Variants in RPLP0 observed in about 807,000 individuals in gnomAD.
RPLP0 encodes the protein large ribosomal subunit protein uL10.
For missense variants in RPLP0, 276 were observed against 402.9 expected (o/e 0.69, Z 2.70); for synonymous variants, 137 against 153.4 (o/e 0.89, Z 0.79).
At chr12:120,200,483 G>C in intron 2 of RPLP0, 1 of 481,442 alleles carries the variant, frequency 2.1e-6, no homozygotes, top group Non-Finnish European at 3.7e-6. Context: ...AGTATAAAGC[G>C]CGCTCTTTTA....
chr12:120,199,094 T>C, intron 4 of RPLP0, 24 bp downstream of exon 4: 2 of 1,611,780 alleles, frequency 1.2e-6, no homozygotes, highest in South Asian at 1.1e-5. Context: ...AAAGTCTCTT[T>C]AGCCAACCCA....
At chr12:120,200,695 A>C (rs758958752) in intron 2 of RPLP0, 35 bp downstream of exon 2, 2 of 1,598,644 alleles carry the variant, frequency 1.3e-6, no homozygotes, top group Non-Finnish European at 1.7e-6. Context: ...CGCTGGGGCA[A>C]CATGAAGAGC....
intron 1 of RPLP0, 61 bp from the exon 2 acceptor site, chr12:120,200,892 C>T (rs1879429747): frequency 1.3e-6 from 2 of 1,497,846 alleles, no homozygotes; most frequent in Admixed American, 4.3e-5. Flanking sequence ...GGTCCCGGGC[C>T]TAAGAGGAGC....
At chr12:120,197,243 A>G in intron 7 of RPLP0, 79 bp downstream of exon 7, 2 of 1,306,876 alleles carry the variant, frequency 1.5e-6, no homozygotes, top group Admixed American at 3.6e-5. Flanking sequence ...CAACTATAAA[A>G]GCAGTAAGGT....
chr12:120,199,469 T>A lies in RPLP0; in HGVS notation c.71A>T (p.Tyr24Phe). Residue 24 changes from tyrosine (Y) to phenylalanine (F), a missense_variant, in exon 3 of 8, where the codon TAT becomes TTT. Coordinates refer to ENST00000392514, the MANE Select transcript of RPLP0 (RefSeq NM_001002.4). ...TGCTCCCACAATGAAACATTTCGGA[T>A]AATCATCCAATAGTTGCTACAAAAA... is the stretch of plus-strand genomic sequence containing the variant. ...FLKIIQLLDD[Y>F]PKCFIVGADN... 1.9e-6 allele frequency: 3 copies of A among 1,614,004 alleles called. No individual in the cohort carries two copies. Among genetic ancestry groups the A allele is most frequent in the East Asian group, 2.2e-5 (1 of 44,886 alleles).
Position 120,198,836 on chromosome 12 carries a change from C to T in RPLP0, c.465+18G>A. 1.9e-6 allele frequency: 3 copies of T among 1,614,026 alleles called. No individual in the cohort carries two copies. The highest frequency in any genetic ancestry group is 2.5e-6 in the Non-Finnish European group (3 of 1,179,920). ...TCCCCATTTGCCTGGTTAGCACAGG[C>T]AAACCAGGTCCACTCACCAGGATTT... On this transcript the variant is annotated intron_variant, in intron 5 of 7. Transcript: ENST00000392514. This position sits in a 1 kb window ranked among gnomAD's most constrained non-coding sequence, Gnocchi z 4.1.
Position 120,198,293 on chromosome 12 carries a change from G to A in RPLP0, c.651+261C>T. ...CCAGCTACTCAGGAGGCTGAGGCAG[G>A]AGAATGGTGTGAACCCGGAGGCGGA... On this transcript the variant is annotated intron_variant, in intron 6 of 7. Transcript: ENST00000392514. The surrounding 1 kb of genome is among the most constrained non-coding windows in gnomAD (Gnocchi z 4.1). The A allele has an allele frequency of 2.4e-6, 1 of 424,608 alleles. No homozygotes were observed. Among genetic ancestry groups the A allele is most frequent in the South Asian group, 2.4e-5 (1 of 42,014 alleles). 26.3% of individuals were successfully genotyped at this position (424,608 alleles called of 1,614,324 possible).
At position 120,201,107 on chromosome 12, in the gene RPLP0, G is replaced by C. The variant is rs948977455; in HGVS notation, c.-73C>G. The C allele has an allele frequency of 3.5e-5, 12 of 339,662 alleles. No individual in the cohort carries two copies. The highest frequency in any genetic ancestry group is 2.1e-4 in the African/African-American group (10 of 47,264). The allele number at this position is 339,662 out of a possible 1,614,324, so 21.0% of individuals were successfully genotyped here. A position where few individuals can be genotyped will look rare whatever the true frequency, so the allele number is the denominator to read the frequency against. ...CCTTCCACGAGGACGCCTGGCGAGA[G>C]AAGGGCCTCGCGCCCGCGCGTGCCT... On this transcript the variant is annotated 5_prime_UTR_variant, in exon 1 of 8. Transcript: ENST00000392514.
At chr12:120,197,943 TTG>T (rs773218059) in intron 6 of RPLP0, 2 of 164,270 alleles carry the variant, frequency 1.2e-5, no homozygotes, top group Non-Finnish European at 2.7e-5. Flanking sequence ...ATTATTTTTT[TTG>T]TGAGACAGAG....
In RPLP0 at chr12:120,198,220, TA is replaced by T. The variant is rs1879256718; in HGVS notation, c.651+333del. 8 of 298,732 alleles carry T rather than the reference TA, an allele frequency of 2.7e-5. No individual in the cohort carries two copies. The highest frequency in any genetic ancestry group is 2.6e-4 in the South Asian group (8 of 31,096). The allele number at this position is 298,732 out of a possible 1,614,324, so 18.5% of individuals were successfully genotyped here. A position where few individuals can be genotyped will look rare whatever the true frequency, so the allele number is the denominator to read the frequency against. ...CCATCCTGGCTAACGCGGTGAAACCTAAAAATACAAAAAAATTAGCCGGGCG... is the reference window on the plus strand; with the variant it reads ...CCATCCTGGCTAACGCGGTGAAACCTAAAATACAAAAAAATTAGCCGGGCG... On this transcript the variant is annotated intron_variant, in intron 6 of 7. Transcript: ENST00000392514. This position sits in a 1 kb window ranked among gnomAD's most constrained non-coding sequence, Gnocchi z 4.1.
intron 6 of RPLP0, among the ~76,000 whole-genome samples, chr12:120,197,980 G>C (rs1003794806): frequency 6.6e-6 from 1 of 151,990 alleles, no homozygotes; most frequent in Non-Finnish European, 1.5e-5. Flanking sequence ...TCAGGCCGGA[G>C]TGCAGTGGCA....
rs1879336000 is a variant in RPLP0, at chr12:120,199,711, T to TC, written c.55-227dup. 5.7e-6 allele frequency: 3 copies of TC among 525,944 alleles called. No homozygotes were observed. In the East Asian group the frequency reaches 1.0e-4, roughly 18 times the overall value. The allele number at this position is 525,944 out of a possible 1,614,324, so 32.6% of individuals were successfully genotyped here. On this transcript the variant is annotated intron_variant, in intron 2 of 7. Transcript: ENST00000392514. ...TTCTACATTCAATCAAGGAGTTTTT[T>TC]CTTTTTTTACTTAGTTTTTAATTTT...
At chr12:120,197,165 G>T in intron 7 of RPLP0, 157 bp downstream of exon 7, 1 of 1,010,356 alleles carries the variant, frequency 9.9e-7, no homozygotes, top group Non-Finnish European at 1.5e-6. Context: ...TTTCTCAAGT[G>T]AGAAACGCCT....
chr12:120,200,431 C>A, intron 2 of RPLP0: 2 of 362,962 alleles, frequency 5.5e-6, no homozygotes, highest in South Asian at 5.7e-5. Flanking sequence ...CCACTGCACT[C>A]CAGCCTGGAC....
chr12:120,198,952 C>A lies in RPLP0; in HGVS notation c.367G>T (p.Val123Leu). 1 of 1,613,974 alleles carries A rather than the reference C, an allele frequency of 6.2e-7. No homozygotes were observed. The highest frequency in any genetic ancestry group is 8.5e-7 in the Non-Finnish European group (1 of 1,179,890). ...AGAIAPCEVT[V>L]PAQNTGLGPE... ...CCGAGACCAGTGTTCTGGGCTGGCA[C>A]AGTGACTTCACATGGGGCAATGGCA... is the stretch of plus-strand genomic sequence containing the variant. Residue 123 changes from valine (V) to leucine (L), a missense_variant, in exon 5 of 8, where the codon GTG (valine) becomes TTG (leucine). Transcript: ENST00000392514. The surrounding 1 kb of genome is among the most constrained non-coding windows in gnomAD (Gnocchi z 4.1).
At chr12:120,199,833 C>T (rs1374699291) in intron 2 of RPLP0, 2 of 359,766 alleles carry the variant, frequency 5.6e-6, no homozygotes, top group Non-Finnish European at 1.1e-5. Flanking sequence ...GCTAGATTCA[C>T]AGCATTAAAA....
chr12:120,200,571 G>C (rs1365199614), intron 2 of RPLP0, 159 bp downstream of exon 2: 20 of 729,814 alleles, frequency 2.7e-5, no homozygotes, highest in Non-Finnish European at 4.2e-5. Context: ...ATCTGCAACA[G>C]AAGGGACCTA....
chr12:120,199,524 A>G, intron 2 of RPLP0, 39 bp from the exon 3 acceptor site: 1 of 1,590,318 alleles, frequency 6.3e-7, no homozygotes, highest in Non-Finnish European at 8.6e-7. Context: ...TTTAACAGGA[A>G]GAGAGAGGGA....
At position 120,198,254 on chromosome 12, in the gene RPLP0, G is replaced by A. The variant is rs1254897434; in HGVS notation, c.651+300C>T. ...AAAAAAATTAGCCGGGCGTAGTGGC[G>A]GGTGCCTGTAGTCCCAGCTACTCAG... On this transcript the variant is annotated intron_variant, in intron 6 of 7. Transcript: ENST00000392514. The surrounding 1 kb of genome is among the most constrained non-coding windows in gnomAD (Gnocchi z 4.1). 5.7e-5 allele frequency: 18 copies of A among 317,686 alleles called. No homozygotes were observed. The highest frequency in any genetic ancestry group is 9.1e-5 in the Admixed American group (2 of 21,968). The allele number at this position is 317,686 out of a possible 1,614,324, so 19.7% of individuals were successfully genotyped here.
Sources: gnomAD v4.1 joint callset for allele counts (sites outside exome capture counted in the v4.1 genomes callset) on GRCh38, gnomAD v4.1.1 for gene constraint, Gnocchi (gnomAD v3.1) non-coding constraint, MANE v1.5 for transcripts, NCBI Gene and HGNC (gene_info 2026-07-23, HGNC 2026-07-21) for gene names.